The following CCDC141 variants were observed in gnomAD, a reference collection of about 807,000 sequenced individuals.
CCDC141 encodes coiled-coil domain-containing protein 141.
Under a neutral mutation model 181.0 loss-of-function variants are expected in CCDC141, and 168 were observed. The observed-to-expected ratio is 0.93, with a 90% CI of 0.82 to 1.05. CCDC141 has a LOEUF of 1.05. Among genes scored for constraint, CCDC141 ranks in the 50% least tolerant of loss-of-function variants. CCDC141 has a pLI of 0.00. For missense variants in CCDC141, 1,902 were observed against 1,788.5 expected (o/e 1.06, Z -1.14); for synonymous variants, 666 against 642.3 (o/e 1.04, Z -0.56).
chr2:178,963,666 T>G (rs1386937961), intron 4 of CCDC141, among the ~76,000 whole-genome samples: 1 of 152,136 alleles, frequency 6.6e-6, no homozygotes, highest in Non-Finnish European at 1.5e-5. Context: ...TGACACTTTT[T>G]TTTTTTTTGG....
chr2:178,815,294 G>T, the CCDC141 span, among the ~76,000 whole-genome samples: 1,090 of 152,242 alleles, frequency 7.2e-3, 3 homozygotes, highest in African/African-American at 0.025. Flanking sequence ...ATATTTTAAG[G>T]AAATGAGAGT....
intron 2 of CCDC141, among the ~76,000 whole-genome samples, chr2:179,024,503 G>GA (rs1437276728): frequency 1.3e-5 from 2 of 152,160 alleles, no homozygotes; most frequent in African/African-American, 4.8e-5. Context: ...TCACAAAGAT[G>GA]AAAATGAAAC....
In CCDC141 at chr2:178,837,051, C is replaced by T. The variant is rs374313334; in HGVS notation, c.4168G>A (p.Glu1390Lys). The change falls in exon 23 of 24, where the codon GAA (glutamate) becomes AAA (lysine). Residue 1390 changes from glutamate (E) to lysine (K), a missense_variant. Transcript: ENST00000443758. ...RGYQRQMVPR[E>K]EIKSTSAKSS... ...TTTGCTGATGTGCTTTTAATCTCTT[C>T]TCGAGGAACCATTTGCCTCTGATAG... The T allele has an allele frequency of 4.5e-5, 73 of 1,613,896 alleles. No homozygotes were observed. Among genetic ancestry groups the T allele is most frequent in the Non-Finnish European group, 6.1e-5 (72 of 1,179,976 alleles).
chr2:178,953,874 C>T (rs573860640), intron 5 of CCDC141, among the ~76,000 whole-genome samples: 14 of 152,270 alleles, frequency 9.2e-5, no homozygotes, highest in Non-Finnish European at 1.8e-4. Flanking sequence ...TTTACAGATG[C>T]CCACCAGACA....
chr2:178,843,536 A>C (rs1201256168), intron 22 of CCDC141, among the ~76,000 whole-genome samples: 1 of 152,182 alleles, frequency 6.6e-6, no homozygotes, highest in Non-Finnish European at 1.5e-5. Flanking sequence ...GCATTTAGTG[A>C]ATTGCCTAAT....
At chr2:178,961,978 G>A (rs1016824803) in intron 4 of CCDC141, among the ~76,000 whole-genome samples, 7 of 152,156 alleles carry the variant, frequency 4.6e-5, no homozygotes, top group African/African-American at 1.7e-4. Flanking sequence ...CAGTTCTGGC[G>A]AACAGTTGAC....
At chr2:179,025,549 G>C (rs538731019) in intron 2 of CCDC141, among the ~76,000 whole-genome samples, 8 of 152,212 alleles carry the variant, frequency 5.3e-5, no homozygotes, top group Admixed American at 4.6e-4. Flanking sequence ...ACATGGAACT[G>C]TAAGTCCATT....
chr2:178,996,164 G>A (rs1692279368), intron 2 of CCDC141, among the ~76,000 whole-genome samples: 1 of 149,970 alleles, frequency 6.7e-6, no homozygotes. Context: ...TTGGCTCACT[G>A]CAACCTCTGC....
At chr2:179,047,965 C>A (rs1050358381) in intron 1 of CCDC141, among the ~76,000 whole-genome samples, 3 of 152,144 alleles carry the variant, frequency 2.0e-5, no homozygotes, top group South Asian at 2.1e-4. Flanking sequence ...TGTTTTCCAA[C>A]CTTAGTTGTT....
downstream of CCDC141, among the ~76,000 whole-genome samples, chr2:178,826,046 TGTTA>T (rs1331168777): frequency 3.9e-5 from 6 of 152,230 alleles, no homozygotes; most frequent in Non-Finnish European, 8.8e-5. Flanking sequence ...TTAAGTATGA[TGTTA>T]GTTACAGGTT....
At chr2:179,011,329 A>G (rs1460676386) in intron 2 of CCDC141, among the ~76,000 whole-genome samples, 1 of 152,204 alleles carries the variant, frequency 6.6e-6, no homozygotes, top group East Asian at 1.9e-4. Flanking sequence ...CTATCATTAT[A>G]TCAGACAAAA....
intron 2 of CCDC141, among the ~76,000 whole-genome samples, chr2:179,024,705 T>C (rs2042783559): frequency 6.6e-6 from 1 of 152,224 alleles, no homozygotes; most frequent in Non-Finnish European, 1.5e-5. Context: ...TTTTCGACAC[T>C]ACTCAATACT....
intron 17 of CCDC141, among the ~76,000 whole-genome samples, chr2:178,857,598 C>T (rs1428919799): frequency 1.3e-5 from 2 of 152,230 alleles, no homozygotes; most frequent in East Asian, 3.9e-4. Flanking sequence ...CTTTCTGTCC[C>T]TTCTCTATAT....
chr2:178,853,055 A>C (rs1444370069), intron 20 of CCDC141, among the ~76,000 whole-genome samples: 1 of 152,218 alleles, frequency 6.6e-6, no homozygotes, highest in African/African-American at 2.4e-5. Flanking sequence ...GTCTTCTTAA[A>C]GTATTACTGA....
In CCDC141 at chr2:178,830,861, GAAGA is replaced by G. The variant is rs1684220054; in HGVS notation, c.*3308_*3311del. 2 of 152,212 alleles carry G rather than the reference GAAGA, an allele frequency of 1.3e-5. No homozygotes were observed. Among genetic ancestry groups the G allele is most frequent in the Admixed American group, 1.3e-4 (2 of 15,280 alleles). The allele number at this position is 152,212 out of a possible 1,614,324, so 9.4% of individuals were successfully genotyped here. A position where few individuals can be genotyped will look rare whatever the true frequency, so the allele number is the denominator to read the frequency against. On this transcript the variant is annotated 3_prime_UTR_variant, in exon 24 of 24. Transcript: ENST00000443758. ...GGTGAAGATAGTAAGAGAGTTATAGGAAGAAAGGGCTGGAGAGAAGAGCATGATA... is the reference window on the plus strand; with the variant it reads ...GGTGAAGATAGTAAGAGAGTTATAGGAAGGGCTGGAGAGAAGAGCATGATA...
At chr2:179,033,797 C>T (rs779061468) in intron 2 of CCDC141, among the ~76,000 whole-genome samples, 1 of 152,034 alleles carries the variant, frequency 6.6e-6, no homozygotes, top group Non-Finnish European at 1.5e-5. Context: ...GACTACAGGC[C>T]TATGATTTCA....
At chr2:178,990,576 G>A (rs1235743007) in intron 2 of CCDC141, among the ~76,000 whole-genome samples, 9 of 123,068 alleles carry the variant, frequency 7.3e-5, no homozygotes, top group African/African-American at 2.5e-4. Flanking sequence ...AAGAGAAGGG[G>A]AGGGGAGTGG....
intron 2 of CCDC141, among the ~76,000 whole-genome samples, chr2:179,028,663 C>A (rs1486572788): frequency 6.6e-6 from 1 of 152,136 alleles, no homozygotes; most frequent in East Asian, 1.9e-4. Flanking sequence ...TTTTCCCTCA[C>A]TATCTATGTA....
chr2:178,994,768 G>A (rs986283751), intron 2 of CCDC141, among the ~76,000 whole-genome samples: 4 of 152,150 alleles, frequency 2.6e-5, no homozygotes, highest in Admixed American at 2.6e-4. Flanking sequence ...CCTCTTGAAT[G>A]CTTTGCTGCT....
Sources: allele counts gnomAD v4.1 joint callset (sites outside exome capture counted in the v4.1 genomes callset), GRCh38; gene constraint gnomAD v4.1.1; transcripts MANE v1.5; gene names NCBI Gene and HGNC (gene_info 2026-07-23, HGNC 2026-07-21).